The following FGD6 variants were observed in gnomAD, a reference collection of about 807,000 sequenced individuals.
FGD6 encodes FYVE, RhoGEF and PH domain-containing protein 6.
A neutral mutation model predicts 149.4 loss-of-function variants in FGD6; 90 were observed. That is an observed-to-expected ratio of 0.60 (90% confidence interval 0.51 to 0.72). The LOEUF is 0.72. Among genes scored for constraint, FGD6 ranks in the 30% least tolerant of loss-of-function variants. FGD6 has a pLI of 0.00. For synonymous variants in FGD6, 527 were observed against 584.0 expected (o/e 0.90, Z 1.41); for missense variants, 1,437 against 1,684.8 (o/e 0.85, Z 2.57).
intron 5 of FGD6, among the ~76,000 whole-genome samples, chr12:95,143,293 GTTT>G (rs60987519): frequency 2.8e-5 from 4 of 141,882 alleles, no homozygotes; most frequent in African/African-American, 5.2e-5. Context: ...GTTTTTTTTT[GTTT>G]TTTTTTTTTT....
chr12:95,209,132 T>C lies in FGD6; in HGVS notation c.2152A>G (p.Arg718Gly). Residue 718 changes from arginine to glycine, a missense_variant, in exon 2 of 21, where the codon AGA becomes GGA. Arg to Gly is a moderately radical substitution (Grantham distance 125). Transcript: ENST00000343958. Reference protein sequence around the residue: ...RGQTSAANGLRAESLDDQMLS... With the variant: ...RGQTSAANGLGAESLDDQMLS... Reference sequence around the variant, plus strand: ...ATTTGGTCATCCAAAGACTCAGCTCTCAGACCATTAGCTGCACTGGTCTGG... The same window carrying C: ...ATTTGGTCATCCAAAGACTCAGCTCCCAGACCATTAGCTGCACTGGTCTGG... The C allele has an allele frequency of 1.2e-6, 2 of 1,614,232 alleles. No homozygotes were observed. The highest frequency in any genetic ancestry group is 1.7e-6 in the Non-Finnish European group (2 of 1,180,036).
chr12:95,189,600 A>C (rs751501313), intron 2 of FGD6: 1 of 148,484 alleles, frequency 6.7e-6, no homozygotes, highest in African/African-American at 2.5e-5. Flanking sequence ...GTGAGCTGTG[A>C]TCTTGCCACT....
Position 95,172,630 on chromosome 12 carries a change from T to C in FGD6, c.2556A>G (p.Lys852=). The change falls in exon 3 of 21, where the codon AAA becomes AAG. Residue 852 remains lysine (K), a synonymous_variant. Transcript: ENST00000343958. The stretch of plus-strand genomic sequence containing the variant: ...TATCTTCCAGTGGGTCAGGCTCTCC[T>C]TTACTTGACTCAGAGCTGACATCAT... The part of the protein sequence containing the change: ...DEDDVSSESS[K]GEPDPLEDKQ... 6.2e-7 allele frequency: 1 copy of C among 1,612,056 alleles called. No homozygotes were observed. Among genetic ancestry groups the C allele is most frequent in the South Asian group, 1.1e-5 (1 of 90,572 alleles).
At chr12:95,104,430 C>T (rs1166497176) in intron 14 of FGD6, among the ~76,000 whole-genome samples, 2 of 151,820 alleles carry the variant, frequency 1.3e-5, no homozygotes, top group African/African-American at 2.4e-5. Flanking sequence ...GAGACCCCAT[C>T]TCTAAAAAAA....
intron 2 of FGD6, among the ~76,000 whole-genome samples, chr12:95,193,844 T>A (rs895148835): frequency 1.3e-5 from 2 of 151,934 alleles, no homozygotes; most frequent in Middle Eastern, 3.2e-3. Flanking sequence ...TGAATTTTTT[T>A]AAAATGCCAA....
At chr12:95,204,887 A>G (rs900992278) in intron 2 of FGD6, among the ~76,000 whole-genome samples, 4 of 152,234 alleles carry the variant, frequency 2.6e-5, no homozygotes, top group Non-Finnish European at 5.9e-5. Flanking sequence ...GTTCCAAATT[A>G]CCATGAACTT....
At position 95,137,679 on chromosome 12, in the gene FGD6, C is replaced by A. The variant is rs1220172142; in HGVS notation, c.2838-1G>T. ...ATCAGCAATTCTTTGTTGTTCAGTC[C>A]TATGGATAGAGAAGAGATACACAAA... is the stretch of plus-strand genomic sequence containing the variant. On this transcript the variant is annotated splice_acceptor_variant, in intron 6 of 20. Transcript: ENST00000343958. LOFTEE classifies it high-confidence loss of function. 1 of 1,572,578 alleles carries A rather than the reference C, an allele frequency of 6.4e-7. No homozygotes were observed. The highest frequency in any genetic ancestry group is 8.6e-7 in the Non-Finnish European group (1 of 1,161,692).
intron 8 of FGD6, among the ~76,000 whole-genome samples, chr12:95,121,114 A>G (rs1467173128): frequency 6.6e-6 from 1 of 152,154 alleles, no homozygotes; most frequent in Non-Finnish European, 1.5e-5. Flanking sequence ...TCAAAAAATA[A>G]AATAAATAAA....
intron 18 of FGD6, among the ~76,000 whole-genome samples, chr12:95,087,280 G>C (rs1438027809): frequency 6.6e-6 from 1 of 152,144 alleles, no homozygotes; most frequent in Non-Finnish European, 1.5e-5. Flanking sequence ...GAGTCACACT[G>C]CTGTACATTC....
intron 8 of FGD6, chr12:95,126,261 G>A: frequency 7.6e-7 from 1 of 1,323,098 alleles, no homozygotes; most frequent in African/African-American, 1.5e-5. Flanking sequence ...GGGCAAGAAG[G>A]CTCCAGCCCA....
At chr12:95,124,565 G>C (rs983217581) in intron 8 of FGD6, among the ~76,000 whole-genome samples, 18 of 152,168 alleles carry the variant, frequency 1.2e-4, no homozygotes, top group African/African-American at 4.1e-4. Flanking sequence ...CTATAGCTCT[G>C]CCAAGACAAG....
intron 1 of FGD6, among the ~76,000 whole-genome samples, chr12:95,214,861 C>CTTTTTT (rs1171146305): frequency 7.0e-5 from 9 of 129,210 alleles, no homozygotes; most frequent in Non-Finnish European, 1.3e-4. Context: ...CTCCTTTTTT[C>CTTTTTT]TTTTTTTTTT....
intron 8 of FGD6, among the ~76,000 whole-genome samples, chr12:95,134,023 CTAG>C (rs1879596669): frequency 6.6e-6 from 1 of 152,140 alleles, no homozygotes; most frequent in South Asian, 2.1e-4. Flanking sequence ...AGCTTACAGT[CTAG>C]TAGAAGATAG....
intron 5 of FGD6, among the ~76,000 whole-genome samples, chr12:95,144,226 A>C (rs1879941339): frequency 6.6e-6 from 1 of 152,180 alleles, no homozygotes; most frequent in Admixed American, 6.6e-5. Flanking sequence ...TCCCAGTACT[A>C]CTGGATGTTT....
chr12:95,166,421 A>G (rs966225411), intron 3 of FGD6, among the ~76,000 whole-genome samples: 2 of 152,206 alleles, frequency 1.3e-5, no homozygotes, highest in African/African-American at 4.8e-5. Flanking sequence ...TAAAGCATAC[A>G]ATTCAGGCCA....
chr12:95,118,723 T>C (rs1028759079), intron 8 of FGD6, among the ~76,000 whole-genome samples: 2 of 152,210 alleles, frequency 1.3e-5, no homozygotes, highest in Non-Finnish European at 2.9e-5. Flanking sequence ...ATTTCTTCTT[T>C]CCTCCATAAA....
intron 2 of FGD6, among the ~76,000 whole-genome samples, chr12:95,185,920 T>C (rs1175385485): frequency 6.6e-6 from 1 of 152,040 alleles, no homozygotes; most frequent in Non-Finnish European, 1.5e-5. Context: ...AATGAGATAA[T>C]GTGAATATAT....
At chr12:95,112,690 T>C (rs1435211662) in intron 9 of FGD6, among the ~76,000 whole-genome samples, 1 of 152,112 alleles carries the variant, frequency 6.6e-6, no homozygotes, top group African/African-American at 2.4e-5. Context: ...AATCTGTGTG[T>C]ATGTGTGTGT....
chr12:95,170,202 A>G (rs535331893), intron 3 of FGD6, among the ~76,000 whole-genome samples: 3 of 152,324 alleles, frequency 2.0e-5, no homozygotes, highest in Admixed American at 6.5e-5. Context: ...AATCCCAGGC[A>G]AATATCATTT....
Sources: allele counts gnomAD v4.1 joint callset (sites outside exome capture counted in the v4.1 genomes callset), GRCh38; gene constraint gnomAD v4.1.1; transcripts MANE v1.5; gene names NCBI Gene and HGNC (gene_info 2026-07-23, HGNC 2026-07-21).